JAM3: variants seen among roughly 807,000 people sequenced by gnomAD.
The protein encoded by JAM3 is junctional adhesion molecule C.
Under a neutral mutation model 39.4 loss-of-function variants are expected in JAM3, and 31 were observed. The observed-to-expected ratio is 0.79, with a 90% CI of 0.59 to 1.06. JAM3 has a LOEUF of 1.06. Among genes scored for constraint, JAM3 ranks in the 50% least tolerant of loss-of-function variants. JAM3 has a pLI of 0.00. For missense variants in JAM3, 455 were observed against 391.4 expected, an observed-to-expected ratio of 1.16 and a Z score of -1.37; for synonymous variants, 182 against 148.7, an observed-to-expected ratio of 1.22 and a Z score of -1.63.
At chr11:134,139,740 T>C in intron 1 of JAM3, 111 bp from the exon 2 acceptor site, 1 of 826,878 alleles carries the variant, frequency 1.2e-6, no homozygotes, top group South Asian at 1.4e-5. Context: ...TTTTCCATCC[T>C]CTGTGGTTAG....
intron 1 of JAM3, chr11:134,126,315 T>G (rs1260558944): frequency 6.6e-6 from 1 of 152,216 alleles, no homozygotes; most frequent in East Asian, 1.9e-4. Flanking sequence ...AGGCTGTTGT[T>G]CAGAGGTGGT....
chr11:134,125,170 C>T (rs1342264220), intron 1 of JAM3, among the ~76,000 whole-genome samples: 2 of 152,212 alleles, frequency 1.3e-5, no homozygotes, highest in African/African-American at 4.8e-5. Flanking sequence ...CCCGGCCGAT[C>T]GTGCCGCCGC....
chr11:134,143,512 G>A (rs1389495081), intron 3 of JAM3, among the ~76,000 whole-genome samples: 1 of 152,146 alleles, frequency 6.6e-6, no homozygotes, highest in Non-Finnish European at 1.5e-5. Flanking sequence ...GAGACTATAT[G>A]TGTGCACCAC....
chr11:134,116,426 T>C (rs1942434781), intron 1 of JAM3, among the ~76,000 whole-genome samples: 1 of 152,218 alleles, frequency 6.6e-6, no homozygotes, highest in Admixed American at 6.5e-5. Context: ...CATTTATGCA[T>C]ATTAGTGTGG....
chr11:134,123,436 C>G (rs1942576049), intron 1 of JAM3, among the ~76,000 whole-genome samples: 1 of 152,108 alleles, frequency 6.6e-6, no homozygotes, highest in African/African-American at 2.4e-5. Context: ...ATGTGCCAAG[C>G]ATAATGAAGA....
intron 1 of JAM3, among the ~76,000 whole-genome samples, chr11:134,106,070 G>A (rs1167475922): frequency 6.6e-6 from 1 of 152,182 alleles, no homozygotes; most frequent in Non-Finnish European, 1.5e-5. Context: ...AACAAAGCTG[G>A]AGGCATCATG....
rs1161242268 is a variant in JAM3, at chr11:134,149,666, G to T, written c.*485G>T. ...AGCAGCCTTACTTCATCGGCCCACAGACACCACCGCAGTTTCTTCTTAAAG... is the reference window on the plus strand; with the variant it reads ...AGCAGCCTTACTTCATCGGCCCACATACACCACCGCAGTTTCTTCTTAAAG... On this transcript the variant is annotated 3_prime_UTR_variant, in exon 9 of 9. Transcript: ENST00000299106. 1 of 457,360 alleles carries T rather than the reference G, an allele frequency of 2.2e-6. No homozygotes were observed. The highest frequency in any genetic ancestry group is 1.5e-5 in the South Asian group (1 of 64,584). The allele number at this position is 457,360 out of a possible 1,614,324, so 28.3% of individuals were successfully genotyped here.
chr11:134,069,287 G>A, intron 1 of JAM3, 128 bp downstream of exon 1: 2 of 1,271,488 alleles, frequency 1.6e-6, no homozygotes, highest in South Asian at 2.7e-5. Context: ...CCGGGGTCCC[G>A]GGCCGGAGGG....
intron 1 of JAM3, among the ~76,000 whole-genome samples, chr11:134,120,908 T>C (rs1426775423): frequency 6.6e-6 from 1 of 152,240 alleles, no homozygotes; most frequent in African/African-American, 2.4e-5. Flanking sequence ...TCTTTTTGCC[T>C]GAAGCTGTAG....
At chr11:134,075,310 A>G (rs1271844184) in intron 1 of JAM3, among the ~76,000 whole-genome samples, 1 of 152,184 alleles carries the variant, frequency 6.6e-6, no homozygotes, top group Non-Finnish European at 1.5e-5. Context: ...TAATTGACTG[A>G]CTTAAGTATA....
At chr11:134,134,398 CAAAAAAAA>C (rs34729848) in intron 1 of JAM3, among the ~76,000 whole-genome samples, 3 of 31,922 alleles carry the variant, frequency 9.4e-5, no homozygotes, top group African/African-American at 3.8e-4. Context: ...GGATAAATGC[CAAAAAAAA>C]AAAAAAAAAA....
intron 1 of JAM3, among the ~76,000 whole-genome samples, chr11:134,132,968 T>C (rs1053624365): frequency 2.6e-5 from 4 of 152,230 alleles, no homozygotes; most frequent in Non-Finnish European, 5.9e-5. Context: ...TATCTGCCTG[T>C]CTGTCTCTCC....
At chr11:134,139,709 A>G (rs761384668) in intron 1 of JAM3, 142 bp from the exon 2 acceptor site, 2 of 713,270 alleles carry the variant, frequency 2.8e-6, no homozygotes, top group South Asian at 3.0e-5. Flanking sequence ...GGCTTACCTA[A>G]GAGACTTTAT....
intron 1 of JAM3, among the ~76,000 whole-genome samples, chr11:134,128,811 G>A (rs1251859124): frequency 6.6e-6 from 1 of 152,112 alleles, no homozygotes; most frequent in Non-Finnish European, 1.5e-5. Flanking sequence ...TCTTTATAGT[G>A]TGAAAATGGA....
At chr11:134,135,534 CT>C (rs59157985) in intron 1 of JAM3, among the ~76,000 whole-genome samples, 6,976 of 144,878 alleles carry the variant, frequency 0.048, 350 homozygotes, top group East Asian at 0.25. Flanking sequence ...TTTATCTATC[CT>C]TTTTTTTTTT....
At chr11:134,097,885 C>T (rs184721244) in intron 1 of JAM3, among the ~76,000 whole-genome samples, 3 of 151,672 alleles carry the variant, frequency 2.0e-5, no homozygotes, top group Admixed American at 6.6e-5. Context: ...TATATACACA[C>T]ACTTTGCACT....
intron 6 of JAM3, among the ~76,000 whole-genome samples, chr11:134,146,260 T>C (rs184817716): frequency 5.9e-5 from 9 of 152,168 alleles, no homozygotes; most frequent in Non-Finnish European, 8.8e-5. Flanking sequence ...CCTTCTGGGA[T>C]CTGCTGGTGT....
chr11:134,151,167 T>C lies in JAM3; in HGVS notation c.*1986T>C, dbSNP rs1943219918. The stretch of plus-strand genomic sequence containing the variant: ...ACCTTGTCTTTCAGCTTCCAGTGTC[T>C]TGGGTTTTTTATACTTTGACAGCTT... On this transcript the variant is annotated 3_prime_UTR_variant, in exon 9 of 9. Coordinates refer to ENST00000299106, the MANE Select transcript of JAM3 (RefSeq NM_032801.5). The C allele has an allele frequency of 6.6e-6, 1 of 152,282 alleles. No homozygotes were observed. Among genetic ancestry groups the C allele is most frequent in the South Asian group, 2.1e-4 (1 of 4,830 alleles). The allele number at this position is 152,282 out of a possible 1,614,324, so 9.4% of individuals were successfully genotyped here.
intron 8 of JAM3, among the ~76,000 whole-genome samples, 153 bp from the exon 9 acceptor site, chr11:134,148,993 C>CACAA (rs1182983097): frequency 1.3e-5 from 2 of 148,884 alleles, no homozygotes; most frequent in Non-Finnish European, 3.0e-5. Flanking sequence ...CACACACACA[C>CACAA]ACTAATGGGA....
Sources: gnomAD v4.1 joint callset for allele counts (sites outside exome capture counted in the v4.1 genomes callset) on GRCh38, gnomAD v4.1.1 for gene constraint, MANE v1.5 for transcripts, NCBI Gene and HGNC (gene_info 2026-07-23, HGNC 2026-07-21) for gene names.